The following DRD3 variants were observed in gnomAD, a reference collection of about 807,000 sequenced individuals.
The protein encoded by DRD3 is dopamine receptor D3.
In DRD3, 19 loss-of-function variants were observed where a neutral mutation model predicts 36.3. The ratio of observed to expected loss-of-function variants is 0.52; its 90% CI spans 0.36 to 0.77. The LOEUF (loss-of-function observed/expected upper bound fraction) is 0.77. DRD3 is among the 30% of genes least tolerant of loss of function. The pLI, the probability that DRD3 is intolerant of heterozygous loss-of-function variation, is 0.00. For synonymous variants in DRD3, 195 were observed against 203.7 expected, an observed-to-expected ratio of 0.96 and a Z score of 0.36; for missense variants, 465 against 505.3, an observed-to-expected ratio of 0.92 and a Z score of 0.77.
chr3:114,191,773 G>A (rs2078011974), intron 1 of DRD3, among the ~76,000 whole-genome samples: 2 of 152,188 alleles, frequency 1.3e-5, no homozygotes, highest in South Asian at 4.1e-4. Context: ...TGTGGGACAT[G>A]AGGGAAAGGG....
At chr3:114,129,312 C>T (rs1052608775) in intron 6 of DRD3, among the ~76,000 whole-genome samples, 12 of 152,034 alleles carry the variant, frequency 7.9e-5, no homozygotes, top group Admixed American at 2.0e-4. Flanking sequence ...CATTGCACTC[C>T]GGCCTGGGTG....
chr3:114,156,743 TTTTCTTTCTTTCTTTCTTTCTTTC>T (rs1158303889), intron 3 of DRD3, among the ~76,000 whole-genome samples: 7 of 20,688 alleles, frequency 3.4e-4, no homozygotes, highest in African/African-American at 6.7e-4. Context: ...CTTTCTTTCT[TTTTCTTTCTTTCTTTCTTTCTTTC>T]TTTCTTTCTT....
intron 2 of DRD3, among the ~76,000 whole-genome samples, chr3:114,167,749 G>A (rs2077799746): frequency 6.6e-6 from 1 of 152,218 alleles, no homozygotes; most frequent in South Asian, 2.1e-4. Flanking sequence ...GAATCTATGA[G>A]ATCGCTGGGC....
chr3:114,155,331 G>T (rs1049875017), intron 3 of DRD3, among the ~76,000 whole-genome samples: 1 of 152,038 alleles, frequency 6.6e-6, no homozygotes, highest in Middle Eastern at 3.2e-3. Context: ...GGCTTGGTGA[G>T]AATTCATTGG....
chr3:114,190,442 ATAT>A (rs2078001866), intron 1 of DRD3, among the ~76,000 whole-genome samples: 1 of 10,672 alleles, frequency 9.4e-5, no homozygotes, highest in African/African-American at 4.8e-4. Context: ...ATATATATAT[ATAT>A]ATATATATAT....
At chr3:114,148,617 C>T (rs931111538) in intron 3 of DRD3, among the ~76,000 whole-genome samples, 1 of 152,180 alleles carries the variant, frequency 6.6e-6, no homozygotes, top group African/African-American at 2.4e-5. Context: ...ACCTCTCAAT[C>T]TGGTTTCACT....
chr3:114,147,637 T>C, intron 3 of DRD3, 80 bp from the exon 4 acceptor site: 2 of 1,528,532 alleles, frequency 1.3e-6, no homozygotes, highest in Non-Finnish European at 1.8e-6. Context: ...GTTGTTGTTG[T>C]TTTTGGAGAC....
Position 114,155,177 on chromosome 3 carries a change from C to T in DRD3, c.383+4578G>A, listed in dbSNP as rs1379652220. Among the ~76,000 whole-genome samples, 10 of 152,164 alleles carry T rather than the reference C, an allele frequency of 6.6e-5. No individual in the cohort carries two copies. The East Asian group carries it at 1.5e-3, about 23-fold the overall frequency. ...GCATTGTGTGAAGACCAAAGGTCTG[C>T]GTGAATGACTGCATTTTTAATGAAT... On this transcript the variant is annotated intron_variant, in intron 3 of 6. Transcript: ENST00000383673.
chr3:114,164,220 C>CAAAAAAAAAAAAAAAAAAAAAAA (rs34500434), intron 2 of DRD3, among the ~76,000 whole-genome samples: 3 of 17,776 alleles, frequency 1.7e-4, no homozygotes, highest in Non-Finnish European at 2.7e-4. Context: ...GCCTCAGTCT[C>CAAAAAAAAAAAAAAAAAAAAAAA]AAAAAAAAAA....
At chr3:114,196,288 C>T (rs982972188) in intron 1 of DRD3, among the ~76,000 whole-genome samples, 2 of 151,996 alleles carry the variant, frequency 1.3e-5, no homozygotes, top group Non-Finnish European at 2.9e-5. Flanking sequence ...ATATATGCTT[C>T]TTTTTATTTT....
chr3:114,183,469 A>G (rs895409147), upstream of DRD3, among the ~76,000 whole-genome samples: 3 of 151,586 alleles, frequency 2.0e-5, no homozygotes, highest in African/African-American at 4.8e-5. Context: ...TATATCCTCT[A>G]TTTTCTTACT....
rs1030570815 is a variant in DRD3, at chr3:114,157,873, C to T, written c.383+1882G>A. Among the ~76,000 whole-genome samples, 30 of 152,182 alleles carry T rather than the reference C, an allele frequency of 2.0e-4. No homozygotes were observed. In the South Asian group the frequency reaches 2.7e-3, roughly 14 times the overall value. Reference sequence around the variant, plus strand: ...ATCCCAGCACTTTGGGAGTTTGAGGCGGGTGGATCACCTGAGGTTGGGAGT... The same window carrying T: ...ATCCCAGCACTTTGGGAGTTTGAGGTGGGTGGATCACCTGAGGTTGGGAGT... On this transcript the variant is annotated intron_variant, in intron 3 of 6. Coordinates refer to ENST00000383673, the MANE Select transcript of DRD3 (RefSeq NM_000796.6).
At chr3:114,173,490 T>C (rs760777145) in intron 1 of DRD3, among the ~76,000 whole-genome samples, 26 of 152,148 alleles carry the variant, frequency 1.7e-4, no homozygotes, top group Non-Finnish European at 5.9e-5. Flanking sequence ...ATTCTAAATC[T>C]CTCACTCTGA....
rs1291720911 is a variant in DRD3 at position 114,128,115 on chromosome 3, C to T, written c.*601G>A. Among the ~76,000 whole-genome samples, 1 of 152,196 alleles carries T rather than the reference C, an allele frequency of 6.6e-6. No individual in the cohort carries two copies. The highest frequency in any genetic ancestry group is 1.9e-4 in the East Asian group (1 of 5,196). ...GGTAGCAAAGTTTGAAATGAAGCCC[C>T]CATCCCAATGTGGGACAGTGTTTCT... On this transcript the variant is annotated 3_prime_UTR_variant, in exon 7 of 7. Coordinates refer to ENST00000383673, the MANE Select transcript of DRD3 (RefSeq NM_000796.6).
chr3:114,156,773 TTCTTTCTTTCTTTCTTTCTTTCTTTCTC>T (rs2077678131), intron 3 of DRD3, among the ~76,000 whole-genome samples: 4 of 126,882 alleles, frequency 3.2e-5, no homozygotes, highest in African/African-American at 8.8e-5. Flanking sequence ...CTTTCTTTCT[TTCTTTCTTTCTTTCTTTCTTTCTTTCTC>T]TTTTCTTTTT....
In DRD3 at chr3:114,149,800, A is replaced by G. The variant is rs570578979; in HGVS notation, c.384-2243T>C. Among the ~76,000 whole-genome samples, 137 of 152,348 alleles carry G rather than the reference A, an allele frequency of 9.0e-4. 3 individuals are homozygous for G. In the South Asian group the frequency reaches 0.028, roughly 31 times the overall value. On this transcript the variant is annotated intron_variant, in intron 3 of 6. Coordinates refer to ENST00000383673, the MANE Select transcript of DRD3 (RefSeq NM_000796.6). The stretch of plus-strand genomic sequence containing the variant: ...CAGGAGCTGAGAACAGCACTGGTTG[A>G]CAGTCAGCTAGAAAGTAGAGACCTC...
intron 2 of DRD3, among the ~76,000 whole-genome samples, chr3:114,169,382 A>G (rs1189400460): frequency 1.3e-5 from 2 of 149,840 alleles, no homozygotes; most frequent in African/African-American, 2.4e-5. Context: ...CAAATTGGTA[A>G]GACCAAAAAG....
At chr3:114,193,147 C>T (rs1218919456) in intron 1 of DRD3, among the ~76,000 whole-genome samples, 2 of 152,016 alleles carry the variant, frequency 1.3e-5, no homozygotes, top group Non-Finnish European at 2.9e-5. Flanking sequence ...GGCGTGGTGG[C>T]GGGCGCCTGT....
At chr3:114,144,117 C>T (rs2077550477) in intron 4 of DRD3, among the ~76,000 whole-genome samples, 1 of 152,216 alleles carries the variant, frequency 6.6e-6, no homozygotes, top group Non-Finnish European at 1.5e-5. Flanking sequence ...AGCCAGGCCC[C>T]TGCCTCGGAA....
Sources: gnomAD v4.1 joint callset for allele counts (sites outside exome capture counted in the v4.1 genomes callset) on GRCh38, gnomAD v4.1.1 for gene constraint, MANE v1.5 for transcripts, NCBI Gene and HGNC (gene_info 2026-07-23, HGNC 2026-07-21) for gene names.